The following PLXNA4 variants were observed in gnomAD, a reference collection of about 807,000 sequenced individuals.
The protein encoded by PLXNA4 is plexin A4, also known as plexin-A4.
In PLXNA4, 44 loss-of-function variants were observed where a neutral mutation model predicts 191.8. The observed-to-expected ratio is 0.23, with a 90% CI of 0.18 to 0.29. The LOEUF (loss-of-function observed/expected upper bound fraction) is 0.29, where lower values mean the gene tolerates loss of function less well. Among genes scored for constraint, PLXNA4 ranks in the 10% least tolerant of loss-of-function variants. PLXNA4 has a pLI of 1.00. For missense variants in PLXNA4, 1,800 were observed against 2,488.8 expected (o/e 0.72, Z 5.89); for synonymous variants, 1,082 against 1,009.5 (o/e 1.07, Z -1.36).
At chr7:132,470,750 T>C (rs1796904752) in intron 3 of PLXNA4, among the ~76,000 whole-genome samples, 1 of 152,206 alleles carries the variant, frequency 6.6e-6, no homozygotes, top group Admixed American at 6.5e-5. Context: ...GTATCACTGC[T>C]GGCTTTGAAG....
intron 4 of PLXNA4, among the ~76,000 whole-genome samples, chr7:132,244,151 C>T (rs1243290788): frequency 6.6e-6 from 1 of 152,118 alleles, no homozygotes; most frequent in South Asian, 2.1e-4. Context: ...ACAGCTCTGC[C>T]CCCCAGTTTC....
chr7:132,137,290 C>G (rs572111629), intron 30 of PLXNA4, among the ~76,000 whole-genome samples: 34 of 152,284 alleles, frequency 2.2e-4, no homozygotes, highest in African/African-American at 7.9e-4. Context: ...AGTCCAAACC[C>G]CTGTGGCCTG....
chr7:132,534,830 A>T (rs1278903665), intron 1 of PLXNA4, among the ~76,000 whole-genome samples: 1 of 152,236 alleles, frequency 6.6e-6, no homozygotes, highest in Non-Finnish European at 1.5e-5. Flanking sequence ...GCCTGAGAGC[A>T]GATGGCACCA....
At chr7:132,474,214 TCACACACACACACACACACA>T (rs56832356) in intron 3 of PLXNA4, among the ~76,000 whole-genome samples, 12 of 140,192 alleles carry the variant, frequency 8.6e-5, no homozygotes, top group Non-Finnish European at 1.2e-4. Flanking sequence ...TCTCTCTGTC[TCACACACACACACACACACA>T]CACACACACA....
chr7:132,129,569 T>C lies in PLXNA4; in HGVS notation c.*910A>G, dbSNP rs1794868182. 6.6e-6 allele frequency: 1 copy of C among 152,400 alleles called. No homozygotes were observed. Among genetic ancestry groups the C allele is most frequent in the African/African-American group, 2.4e-5 (1 of 41,466 alleles). 9.4% of individuals were successfully genotyped at this position (152,400 alleles called of 1,614,324 possible). On this transcript the variant is annotated 3_prime_UTR_variant, in exon 32 of 32. Coordinates refer to ENST00000321063, the MANE Select transcript of PLXNA4 (RefSeq NM_020911.2). The stretch of plus-strand genomic sequence containing the variant: ...AGCACTCAGGGCTCTGGTAGTGGAC[T>C]AGACCTATGACTATGATTGTGACTC...
At chr7:132,574,240 G>A (rs1802121241) in intron 1 of PLXNA4, among the ~76,000 whole-genome samples, 1 of 152,192 alleles carries the variant, frequency 6.6e-6, no homozygotes, top group Admixed American at 6.5e-5. Context: ...AGAGAAAGGA[G>A]TGGAGGTCTA....
intron 5 of PLXNA4, among the ~76,000 whole-genome samples, chr7:132,234,900 C>T (rs1010432810): frequency 2.6e-5 from 4 of 152,082 alleles, no homozygotes; most frequent in Non-Finnish European, 5.9e-5. Flanking sequence ...GCAAGCAGCC[C>T]TAGGAGAGAT....
intron 25 of PLXNA4, among the ~76,000 whole-genome samples, chr7:132,155,017 A>G (rs1014591215): frequency 4.6e-5 from 7 of 152,236 alleles, no homozygotes; most frequent in African/African-American, 1.7e-4. Flanking sequence ...TGAACTCTTT[A>G]TATTTCACTC....
At chr7:132,217,827 C>A (rs544792173) in intron 9 of PLXNA4, among the ~76,000 whole-genome samples, 1 of 147,650 alleles carries the variant, frequency 6.8e-6, no homozygotes, top group Admixed American at 6.8e-5. Context: ...GGAGGAATGG[C>A]AACCCAGTAA....
chr7:132,347,262 G>T (rs1803279904), intron 3 of PLXNA4, among the ~76,000 whole-genome samples: 1 of 152,182 alleles, frequency 6.6e-6, no homozygotes. Context: ...TTCTAGCCCA[G>T]AAAGGTTGCT....
chr7:132,350,549 CCATT>C (rs1192290926), intron 3 of PLXNA4, among the ~76,000 whole-genome samples: 2 of 152,056 alleles, frequency 1.3e-5, no homozygotes, highest in African/African-American at 2.4e-5. Context: ...TACATTAACT[CCATT>C]CAGAGAAATG....
At chr7:132,331,905 G>C (rs1802603669) in intron 3 of PLXNA4, among the ~76,000 whole-genome samples, 1 of 152,132 alleles carries the variant, frequency 6.6e-6, no homozygotes, top group African/African-American at 2.4e-5. Context: ...TGAGAAAGTG[G>C]AAGGGGCCCT....
At chr7:132,249,407 C>T (rs1417192415) in intron 4 of PLXNA4, among the ~76,000 whole-genome samples, 7 of 152,292 alleles carry the variant, frequency 4.6e-5, no homozygotes, top group South Asian at 2.1e-4. Context: ...CGAGTGCCGA[C>T]GCCGGAATCA....
intron 10 of PLXNA4, among the ~76,000 whole-genome samples, chr7:132,207,095 G>A (rs764264204): frequency 1.8e-4 from 27 of 152,174 alleles, no homozygotes; most frequent in Admixed American, 1.2e-3. Flanking sequence ...ATATTTTGCC[G>A]GAAAGTTCTG....
intron 1 of PLXNA4, among the ~76,000 whole-genome samples, chr7:132,534,934 C>T (rs768526093): frequency 5.9e-5 from 9 of 152,166 alleles, no homozygotes; most frequent in Non-Finnish European, 7.3e-5. Context: ...AGGAAACTTA[C>T]GATTTACTGT....
intron 3 of PLXNA4, among the ~76,000 whole-genome samples, chr7:132,327,449 T>C (rs1170975975): frequency 6.6e-6 from 1 of 152,168 alleles, no homozygotes; most frequent in African/African-American, 2.4e-5. Flanking sequence ...ATATAACATA[T>C]GGAGTCTCCC....
intron 3 of PLXNA4, chr7:132,385,088 CT>C: frequency 6.5e-7 from 1 of 1,547,576 alleles, no homozygotes; most frequent in Admixed American, 1.9e-5. Flanking sequence ...TGATGTATGG[CT>C]GGGGTCACAG....
At chr7:132,302,954 G>A (rs569361024) in intron 3 of PLXNA4, among the ~76,000 whole-genome samples, 30 of 152,232 alleles carry the variant, frequency 2.0e-4, no homozygotes, top group Admixed American at 1.6e-3. Context: ...TCAGCTCACT[G>A]TAACCTCTGC....
chr7:132,159,239 G>C (rs1562888908), intron 25 of PLXNA4, among the ~76,000 whole-genome samples: 1 of 152,118 alleles, frequency 6.6e-6, no homozygotes, highest in Non-Finnish European at 1.5e-5. Flanking sequence ...AGACTACCAA[G>C]TGGCCCGTGG....
Sources: allele counts gnomAD v4.1 joint callset (sites outside exome capture counted in the v4.1 genomes callset), GRCh38; gene constraint gnomAD v4.1.1; transcripts MANE v1.5; gene names NCBI Gene and HGNC (gene_info 2026-07-23, HGNC 2026-07-21).